The following TYW1 variants were observed in gnomAD, a reference collection of about 807,000 sequenced individuals.
TYW1 encodes the protein tRNA-yW synthesizing protein 1 homolog, also known as S-adenosyl-L-methionine-dependent tRNA 4-demethylwyosine synthase TYW1.
Under a neutral mutation model 96.2 loss-of-function variants are expected in TYW1, and 46 were observed. The ratio of observed to expected loss-of-function variants is 0.48; its 90% CI spans 0.38 to 0.61. TYW1 has a LOEUF of 0.61. Ranked by LOEUF, TYW1 falls within the 20% of genes least tolerant of loss-of-function variation. TYW1 has a pLI of 0.00. For synonymous variants in TYW1, 274 were observed against 323.0 expected, an observed-to-expected ratio of 0.85 and a Z score of 1.63; for missense variants, 684 against 909.6, an observed-to-expected ratio of 0.75 and a Z score of 3.19.
At chr7:67,198,324 G>A (rs1472922716) in intron 15 of TYW1, among the ~76,000 whole-genome samples, 3 of 152,122 alleles carry the variant, frequency 2.0e-5, no homozygotes, top group Admixed American at 6.5e-5. Context: ...GCTGAGGCGG[G>A]CAGATCACTT....
chr7:67,099,596 A>G (rs184182703), intron 12 of TYW1, among the ~76,000 whole-genome samples: 1 of 152,326 alleles, frequency 6.6e-6, no homozygotes, highest in East Asian at 1.9e-4. Flanking sequence ...CTGGCATGGT[A>G]TGCAACTGGG....
At chr7:67,210,929 C>T (rs1337119713) in intron 15 of TYW1, among the ~76,000 whole-genome samples, 4 of 151,252 alleles carry the variant, frequency 2.6e-5, no homozygotes, top group Admixed American at 2.6e-4. Flanking sequence ...ACCATCCATC[C>T]ATCCATCCAT....
chr7:67,029,437 A>ATATATATATATATATATATATATGTGT (rs746024597), intron 7 of TYW1, among the ~76,000 whole-genome samples: 2 of 146,560 alleles, frequency 1.4e-5, no homozygotes, highest in African/African-American at 5.0e-5. Context: ...ATATATAAAT[A>ATATATATATATATATATATATATGTGT]GTATTTTCTA....
intron 13 of TYW1, among the ~76,000 whole-genome samples, chr7:67,148,275 G>T (rs1798670705): frequency 6.6e-6 from 1 of 151,648 alleles, no homozygotes; most frequent in African/African-American, 2.4e-5. Flanking sequence ...GGTTTCACCT[G>T]TTTCTCAGGA....
At chr7:67,132,111 C>A (rs1273204815) in intron 13 of TYW1, among the ~76,000 whole-genome samples, 2 of 150,564 alleles carry the variant, frequency 1.3e-5, no homozygotes, top group African/African-American at 4.9e-5. Context: ...ATCAAGTTGA[C>A]ACTCAGTGTT....
At chr7:67,032,361 G>A (rs538434019) in intron 7 of TYW1, among the ~76,000 whole-genome samples, 3 of 152,282 alleles carry the variant, frequency 2.0e-5, no homozygotes, top group African/African-American at 7.2e-5. Context: ...AATTGCACAT[G>A]TAATCCCAGC....
chr7:67,072,881 T>C (rs558658236), intron 10 of TYW1, among the ~76,000 whole-genome samples: 53 of 150,732 alleles, frequency 3.5e-4, no homozygotes, highest in African/African-American at 8.0e-4. Context: ...GATCCTCCTG[T>C]CTCAGCCACT....
chr7:67,100,674 G>A (rs1254495881), intron 12 of TYW1, among the ~76,000 whole-genome samples: 7 of 151,610 alleles, frequency 4.6e-5, no homozygotes, highest in Admixed American at 6.6e-5. Context: ...GTGAAACCCC[G>A]TCTCTACTAA....
chr7:67,071,480 T>G (rs145556913), intron 10 of TYW1, among the ~76,000 whole-genome samples: 5,503 of 150,644 alleles, frequency 0.037, 298 homozygotes, highest in East Asian at 0.16. Context: ...TGAGACAGGG[T>G]CTTGCTCTGT....
At chr7:67,211,150 T>TTGTGTGTGTGTGTGTGTGTGTGTGTG (rs61112149) in intron 15 of TYW1, among the ~76,000 whole-genome samples, 20 of 125,774 alleles carry the variant, frequency 1.6e-4, no homozygotes, top group Non-Finnish European at 1.9e-4. Flanking sequence ...CCCATCAACA[T>TTGTGTGTGTGTGTGTGTGTGTGTGTG]TGTGTGTGTG....
chr7:67,152,063 G>A (rs1032666053), intron 13 of TYW1, among the ~76,000 whole-genome samples: 1 of 152,074 alleles, frequency 6.6e-6, no homozygotes, highest in African/African-American at 2.4e-5. Flanking sequence ...TTCTCACCTT[G>A]GCCTCTTAAA....
intron 14 of TYW1, among the ~76,000 whole-genome samples, chr7:67,185,971 A>G (rs1800004659): frequency 6.9e-6 from 1 of 144,250 alleles, no homozygotes; most frequent in Non-Finnish European, 1.5e-5. Context: ...CAGATGAAAT[A>G]CTGCTGTCTG....
chr7:67,152,634 C>G (rs1268469358), intron 13 of TYW1, among the ~76,000 whole-genome samples: 1 of 152,152 alleles, frequency 6.6e-6, no homozygotes, highest in African/African-American at 2.4e-5. Context: ...CAGAGTCTCC[C>G]TCTGTCACCC....
chr7:67,168,821 C>T (rs1266317680), intron 13 of TYW1, among the ~76,000 whole-genome samples: 1 of 152,066 alleles, frequency 6.6e-6, no homozygotes, highest in East Asian at 1.9e-4. Flanking sequence ...AAGCGGTTCT[C>T]CTGCCTCAGC....
At chr7:67,012,197 G>C (rs1793828600) in intron 4 of TYW1, among the ~76,000 whole-genome samples, 1 of 151,756 alleles carries the variant, frequency 6.6e-6, no homozygotes. Context: ...ATTAAAAATA[G>C]AAAAATTAGC....
chr7:67,084,705 G>T (rs752220567), intron 11 of TYW1, among the ~76,000 whole-genome samples: 25 of 151,922 alleles, frequency 1.6e-4, no homozygotes, highest in Non-Finnish European at 1.3e-4. Flanking sequence ...TGTGAAGATG[G>T]GGTCTAGCCA....
chr7:67,150,067 A>G (rs1182667306), intron 13 of TYW1, among the ~76,000 whole-genome samples: 1 of 151,512 alleles, frequency 6.6e-6, no homozygotes, highest in Non-Finnish European at 1.5e-5. Flanking sequence ...TCTGAAAAAC[A>G]CTGGAGAATT....
intron 14 of TYW1, among the ~76,000 whole-genome samples, chr7:67,192,519 C>G (rs1261957940): frequency 1.3e-5 from 2 of 152,200 alleles, no homozygotes; most frequent in African/African-American, 4.8e-5. Flanking sequence ...GTAATCCACA[C>G]ATAAGCAGTA....
intron 15 of TYW1, among the ~76,000 whole-genome samples, chr7:67,208,461 G>A (rs1451254528): frequency 6.6e-6 from 1 of 152,142 alleles, no homozygotes; most frequent in African/African-American, 2.4e-5. Flanking sequence ...GGAGGCCGAG[G>A]TGGGCGGATC....
Sources: allele counts gnomAD v4.1 joint callset (sites outside exome capture counted in the v4.1 genomes callset), GRCh38; gene constraint gnomAD v4.1.1; transcripts MANE v1.5; gene names NCBI Gene and HGNC (gene_info 2026-07-23, HGNC 2026-07-21).